The following STX18 variants were observed in gnomAD, a reference collection of about 807,000 sequenced individuals.
STX18 encodes syntaxin 18, also known as syntaxin-18.
In STX18, 40 loss-of-function variants were observed where a neutral mutation model predicts 50.1. The observed-to-expected ratio is 0.80, with a 90% CI of 0.62 to 1.04. STX18 has a LOEUF of 1.04. Among genes scored for constraint, STX18 ranks in the 50% least tolerant of loss-of-function variants. The pLI is 0.00. For synonymous variants in STX18, 158 were observed against 151.8 expected (o/e 1.04, Z -0.30); for missense variants, 410 against 415.8 (o/e 0.99, Z 0.12).
rs187288149 is a variant in STX18 at position 4,523,356 on chromosome 4, C to A, written c.168+18441G>T. Reference sequence around the variant, plus strand: ...ACTTGAAATTCCCCTTGGGTGATCCCACTCTTTCCTCAAGGCTTCAATCTC... The same window carrying A: ...ACTTGAAATTCCCCTTGGGTGATCCAACTCTTTCCTCAAGGCTTCAATCTC... On this transcript the variant is annotated intron_variant, in intron 1 of 10. Transcript: ENST00000306200. 2.6e-5 allele frequency among the ~76,000 whole-genome samples: 4 copies of A among 152,280 alleles called. No individual in the cohort carries two copies. The East Asian group carries it at 5.8e-4, about 22-fold the overall frequency.
chr4:4,473,191 G>T (rs1023532999), intron 1 of STX18, among the ~76,000 whole-genome samples: 1 of 152,082 alleles, frequency 6.6e-6, no homozygotes, highest in African/African-American at 2.4e-5. Flanking sequence ...AAAAGCTCAG[G>T]ACTGAGTCCA....
intron 1 of STX18, among the ~76,000 whole-genome samples, chr4:4,483,490 A>G (rs1436512442): frequency 6.6e-6 from 1 of 152,184 alleles, no homozygotes; most frequent in Non-Finnish European, 1.5e-5. Flanking sequence ...ATCTAATTAA[A>G]CATCTTCATT....
intron 1 of STX18, among the ~76,000 whole-genome samples, chr4:4,511,746 GTGTGTGTGTGTGTGTA>G (rs1470168672): frequency 6.0e-4 from 91 of 150,948 alleles, no homozygotes; most frequent in African/African-American, 2.2e-3. Flanking sequence ...GTGTGTGTGT[GTGTGTGTGTGTGTGTA>G]TGCCCCTAGG....
At chr4:4,489,222 C>T (rs1044858206) in intron 1 of STX18, among the ~76,000 whole-genome samples, 23 of 151,982 alleles carry the variant, frequency 1.5e-4, no homozygotes, top group African/African-American at 5.5e-4. Context: ...ACCAATAATA[C>T]AAATGTCCAA....
chr4:4,431,203 C>G (rs890555744), intron 7 of STX18, among the ~76,000 whole-genome samples: 1 of 151,974 alleles, frequency 6.6e-6, no homozygotes, highest in African/African-American at 2.4e-5. Context: ...AAAAAAAAGC[C>G]CAACACAGAA....
At chr4:4,478,446 G>A (rs1006235772) in intron 1 of STX18, among the ~76,000 whole-genome samples, 1 of 152,158 alleles carries the variant, frequency 6.6e-6, no homozygotes, top group Admixed American at 6.5e-5. Flanking sequence ...CAAGCCACCT[G>A]AAAACATGGT....
In STX18 at chr4:4,522,207, T is replaced by G. The variant is rs189683530; in HGVS notation, c.168+19590A>C. ...TTAGCATCAGTGTTTGTGTTCATAA[T>G]AAATATAAAAGTAATCCACCCCATC... is the stretch of plus-strand genomic sequence containing the variant. On this transcript the variant is annotated intron_variant, in intron 1 of 10. Coordinates refer to ENST00000306200, the MANE Select transcript of STX18 (RefSeq NM_016930.4). Among the ~76,000 whole-genome samples, 351 of 152,312 alleles carry G rather than the reference T, an allele frequency of 2.3e-3. 2 individuals carry two copies. The highest frequency in any genetic ancestry group is 7.9e-3 in the African/African-American group (329 of 41,566).
Position 4,419,562 on chromosome 4 carries a change from TCAGA to T in STX18, c.*468_*471del, listed in dbSNP as rs561317492. 4.1e-4 allele frequency: 64 copies of T among 154,416 alleles called. No homozygotes were observed. The highest frequency in any genetic ancestry group is 2.5e-3 in the East Asian group (13 of 5,274). 9.6% of individuals were successfully genotyped at this position (154,416 alleles called of 1,614,324 possible). ...CCAGTAAGTCTGTGTATTCGTTGAC[TCAGA>T]CAGACAAGAAGCCACAAGGAAACAA... is the stretch of plus-strand genomic sequence containing the variant. On this transcript the variant is annotated 3_prime_UTR_variant, in exon 11 of 11. Coordinates refer to ENST00000306200, the MANE Select transcript of STX18 (RefSeq NM_016930.4).
At chr4:4,473,539 C>T (rs189336380) in intron 1 of STX18, among the ~76,000 whole-genome samples, 4 of 152,180 alleles carry the variant, frequency 2.6e-5, no homozygotes, top group African/African-American at 4.8e-5. Flanking sequence ...GCGATCCGCC[C>T]GCCTCAGCCT....
rs1251835565 is a variant in STX18, at chr4:4,454,710, C to A, written c.497+2481G>T. ...TTTTCTTTTGACAGCCAACACAAACCCCATTGCTTGAGAAATCTGCTCCAA... is the reference window on the plus strand; with the variant it reads ...TTTTCTTTTGACAGCCAACACAAACACCATTGCTTGAGAAATCTGCTCCAA... On this transcript the variant is annotated intron_variant, in intron 5 of 10. Transcript: ENST00000306200. Among the ~76,000 whole-genome samples, 4 of 152,174 alleles carry A rather than the reference C, an allele frequency of 2.6e-5. No individual in the cohort carries two copies. The South Asian group carries it at 8.3e-4, about 32-fold the overall frequency.
At chr4:4,463,957 A>G (rs1471685193) in intron 2 of STX18, among the ~76,000 whole-genome samples, 3 of 152,204 alleles carry the variant, frequency 2.0e-5, no homozygotes, top group African/African-American at 7.2e-5. Flanking sequence ...TTAAAATTCA[A>G]CTAGGGTATA....
intron 1 of STX18, among the ~76,000 whole-genome samples, chr4:4,502,509 T>C (rs962115728): frequency 2.6e-5 from 4 of 152,302 alleles, no homozygotes; most frequent in African/African-American, 9.6e-5. Context: ...CAAATGAAAC[T>C]GAAAAGGTTC....
chr4:4,476,651 A>G (rs1305977504), intron 1 of STX18, among the ~76,000 whole-genome samples: 1 of 152,230 alleles, frequency 6.6e-6, no homozygotes, highest in Non-Finnish European at 1.5e-5. Flanking sequence ...TAATAATGAT[A>G]TTATGTACTA....
At chr4:4,454,309 G>T (rs770743784) in intron 5 of STX18, among the ~76,000 whole-genome samples, 34 of 152,186 alleles carry the variant, frequency 2.2e-4, no homozygotes, top group Non-Finnish European at 4.3e-4. Flanking sequence ...CTAACTATGT[G>T]GCAGGAGACA....
At chr4:4,432,763 G>A (rs1402847080) in intron 7 of STX18, among the ~76,000 whole-genome samples, 1 of 152,216 alleles carries the variant, frequency 6.6e-6, no homozygotes, top group Non-Finnish European at 1.5e-5. Context: ...CCATTTTTAG[G>A]AAAGAGATTT....
At chr4:4,537,007 C>T (rs2108931973) in intron 1 of STX18, among the ~76,000 whole-genome samples, 1 of 152,310 alleles carries the variant, frequency 6.6e-6, no homozygotes, top group Admixed American at 6.5e-5. Context: ...ACTGGCAGAC[C>T]TGCGGCTAGA....
At chr4:4,440,510 T>C (rs1388624367) in intron 5 of STX18, among the ~76,000 whole-genome samples, 1 of 152,216 alleles carries the variant, frequency 6.6e-6, no homozygotes, top group African/African-American at 2.4e-5. Flanking sequence ...GGGTATATTC[T>C]ACCCATCCTG....
rs1728515841 is a variant in STX18 at position 4,482,623 on chromosome 4, A to T, written c.169-10917T>A. On this transcript the variant is annotated intron_variant, in intron 1 of 10. Coordinates refer to ENST00000306200, the MANE Select transcript of STX18 (RefSeq NM_016930.4). ...AGCTTCTGTTCCTGCACTTCCTGCA[A>T]CCACCTGCGTGCCAGACCACAGAGC... Among the ~76,000 whole-genome samples the T allele has an allele frequency of 2.0e-5, 3 of 152,196 alleles. No individual in the cohort carries two copies. In the South Asian group the frequency reaches 6.2e-4, roughly 32 times the overall value.
intron 1 of STX18, among the ~76,000 whole-genome samples, chr4:4,526,445 T>C (rs1021173218): frequency 6.6e-6 from 1 of 152,122 alleles, no homozygotes. Context: ...ACTGCAAAAA[T>C]GGCAGTCAGG....
Sources: allele counts gnomAD v4.1 joint callset (sites outside exome capture counted in the v4.1 genomes callset), GRCh38; gene constraint gnomAD v4.1.1; transcripts MANE v1.5; gene names NCBI Gene and HGNC (gene_info 2026-07-23, HGNC 2026-07-21).